WWOX: variants seen among roughly 807,000 people sequenced by gnomAD.
WWOX encodes WW domain-containing oxidoreductase.
WWOX carries 69 observed loss-of-function variants against 46.2 expected under a neutral mutation model. The ratio of observed to expected loss-of-function variants is 1.49; its 90% CI spans 1.23 to 1.82. The LOEUF (loss-of-function observed/expected upper bound fraction) is 1.82. WWOX is among the 40% of genes most tolerant of loss of function. WWOX has a pLI of 0.00. For missense variants in WWOX, 919 were observed against 542.6 expected (o/e 1.69, Z -6.89); for synonymous variants, 359 against 202.6 (o/e 1.77, Z -6.56).
chr16:79,195,639 G>C (rs2051225198), intron 8 of WWOX, among the ~76,000 whole-genome samples: 1 of 152,240 alleles, frequency 6.6e-6, no homozygotes, highest in African/African-American at 2.4e-5. Context: ...AGGGATGGGG[G>C]AAAGGGAGAA....
intron 8 of WWOX, among the ~76,000 whole-genome samples, chr16:78,744,192 GT>G (rs758896198): frequency 5.3e-5 from 8 of 152,090 alleles, no homozygotes; most frequent in Non-Finnish European, 8.8e-5. Flanking sequence ...TTTGAACTAA[GT>G]TTTGAGAGCT....
intron 8 of WWOX, among the ~76,000 whole-genome samples, chr16:78,572,563 A>C (rs895258994): frequency 7.4e-6 from 1 of 135,696 alleles, no homozygotes; most frequent in African/African-American, 2.9e-5. Flanking sequence ...TGATTGTACC[A>C]CTGCACTCCA....
At chr16:78,949,083 A>G (rs1001354976) in intron 8 of WWOX, among the ~76,000 whole-genome samples, 2 of 152,136 alleles carry the variant, frequency 1.3e-5, no homozygotes, top group African/African-American at 2.4e-5. Flanking sequence ...TCCACCTACA[A>G]TAGCATGGAA....
chr16:78,900,467 C>T (rs886091082), intron 8 of WWOX, among the ~76,000 whole-genome samples: 1 of 152,168 alleles, frequency 6.6e-6, no homozygotes, highest in Non-Finnish European at 1.5e-5. Flanking sequence ...ATTCATGAAA[C>T]AGTGAAGATC....
chr16:79,183,279 T>C (rs973413401), intron 8 of WWOX, among the ~76,000 whole-genome samples: 20 of 152,172 alleles, frequency 1.3e-4, no homozygotes, highest in Non-Finnish European at 1.0e-4. Context: ...AGGCTCCCTG[T>C]GAGGCTTGCA....
chr16:79,207,224 CAG>C (rs1318866367), intron 8 of WWOX, among the ~76,000 whole-genome samples: 1 of 152,348 alleles, frequency 6.6e-6, no homozygotes, highest in African/African-American at 2.4e-5. Context: ...GGTGTATTCA[CAG>C]AGTCAATGGA....
chr16:78,491,056 A>C (rs896390100), intron 8 of WWOX, among the ~76,000 whole-genome samples: 7 of 152,082 alleles, frequency 4.6e-5, no homozygotes, highest in African/African-American at 1.7e-4. Flanking sequence ...AAGTGAACTG[A>C]GCTCACCAGG....
At chr16:78,255,966 A>G (rs376530096) in intron 5 of WWOX, among the ~76,000 whole-genome samples, 45 of 151,934 alleles carry the variant, frequency 3.0e-4, no homozygotes, top group African/African-American at 1.0e-3. Context: ...CCTGGCCAAC[A>G]TGGTGAAACC....
At chr16:78,767,177 G>C (rs1188413129) in intron 8 of WWOX, among the ~76,000 whole-genome samples, 1 of 150,528 alleles carries the variant, frequency 6.6e-6, no homozygotes, top group Non-Finnish European at 1.5e-5. Context: ...CTGGGGTGCA[G>C]TGGCACAATC....
intron 8 of WWOX, among the ~76,000 whole-genome samples, chr16:79,132,540 G>A (rs2049901393): frequency 6.6e-6 from 1 of 152,094 alleles, no homozygotes; most frequent in South Asian, 2.1e-4. Flanking sequence ...TTCTGAGTTT[G>A]TTTCTTGATC....
chr16:78,835,679 T>A (rs1054262427), intron 8 of WWOX, among the ~76,000 whole-genome samples: 13 of 152,204 alleles, frequency 8.5e-5, no homozygotes, highest in African/African-American at 3.1e-4. Context: ...ACACAGCAGT[T>A]CTGAAACTCA....
chr16:78,311,661 A>C (rs1304908472), intron 5 of WWOX, among the ~76,000 whole-genome samples: 1 of 152,212 alleles, frequency 6.6e-6, no homozygotes, highest in East Asian at 1.9e-4. Flanking sequence ...TGGCTGTAGG[A>C]GAGATGGGGA....
intron 8 of WWOX, among the ~76,000 whole-genome samples, chr16:78,631,047 A>C (rs149693742): frequency 9.8e-4 from 149 of 152,286 alleles, no homozygotes; most frequent in African/African-American, 3.5e-3. Context: ...ATATTGTATT[A>C]GGTATTATAA....
intron 8 of WWOX, among the ~76,000 whole-genome samples, chr16:78,581,511 C>T (rs372800298): frequency 1.8e-4 from 28 of 152,140 alleles, no homozygotes; most frequent in African/African-American, 5.8e-4. Flanking sequence ...TGACTGCCAA[C>T]GTGCTAGTCT....
chr16:78,334,550 A>G (rs2080835436), intron 5 of WWOX, among the ~76,000 whole-genome samples: 1 of 152,174 alleles, frequency 6.6e-6, no homozygotes, highest in South Asian at 2.1e-4. Flanking sequence ...TCCAGCCATC[A>G]TTCTGTTCAA....
intron 8 of WWOX, among the ~76,000 whole-genome samples, chr16:78,543,983 A>C (rs958456683): frequency 6.6e-6 from 1 of 152,300 alleles, no homozygotes; most frequent in African/African-American, 2.4e-5. Context: ...GTGATTAAAG[A>C]GAATTTGTAG....
chr16:78,859,050 G>GTATATATATATATATATATATATGTATA (rs2052652747), intron 8 of WWOX, among the ~76,000 whole-genome samples: 1 of 40,840 alleles, frequency 2.4e-5, no homozygotes, highest in African/African-American at 1.1e-4. Context: ...ATATATATAT[G>GTATATATATATATATATATATATGTATA]TATATATATA....
At chr16:78,939,540 T>C (rs1490758459) in intron 8 of WWOX, among the ~76,000 whole-genome samples, 1 of 152,240 alleles carries the variant, frequency 6.6e-6, no homozygotes, top group Non-Finnish European at 1.5e-5. Context: ...AGATTTATTT[T>C]TGGCAAAAGT....
chr16:79,059,944 C>G (rs773006815), intron 8 of WWOX, among the ~76,000 whole-genome samples: 1 of 152,148 alleles, frequency 6.6e-6, no homozygotes, highest in East Asian at 1.9e-4. Flanking sequence ...TTTTGGTACA[C>G]TGAGAGGTCA....
Sources: gnomAD v4.1 joint callset for allele counts (sites outside exome capture counted in the v4.1 genomes callset) on GRCh38, gnomAD v4.1.1 for gene constraint, MANE v1.5 for transcripts, NCBI Gene and HGNC (gene_info 2026-07-23, HGNC 2026-07-21) for gene names.